Variants in IL1RAPL1 observed in about 807,000 individuals in gnomAD.
IL1RAPL1 encodes the protein interleukin 1 receptor accessory protein like 1.
Under a neutral mutation model 48.4 loss-of-function variants are expected in IL1RAPL1, and 3 were observed. That is an observed-to-expected ratio of 0.06 (90% CI 0.03 to 0.16). The LOEUF (loss-of-function observed/expected upper bound fraction) is 0.16, where lower values mean the gene tolerates loss of function less well. IL1RAPL1 is among the 10% of genes least tolerant of loss of function. IL1RAPL1 has a pLI of 1.00. For synonymous variants in IL1RAPL1, 185 were observed against 187.7 expected (o/e 0.99, Z 0.12); for missense variants, 349 against 530.6 (o/e 0.66, Z 3.36).
intron 1 of IL1RAPL1, among the ~76,000 whole-genome samples, chrX:28,672,143 T>G (rs1349278322): frequency 8.9e-6 from 1 of 112,019 alleles, no homozygotes; most frequent in Non-Finnish European, 1.9e-5. Flanking sequence ...GATACTGAAT[T>G]TATCCCTCAG....
intron 6 of IL1RAPL1, among the ~76,000 whole-genome samples, chrX:29,701,681 G>A (rs1229885849): frequency 3.6e-5 from 4 of 111,364 alleles, no homozygotes; most frequent in Non-Finnish European, 7.5e-5. Context: ...ATATCCTTCA[G>A]GTGGGGTGAG....
At chrX:29,318,730 C>G (rs1369842800) in intron 3 of IL1RAPL1, among the ~76,000 whole-genome samples, 1 of 112,303 alleles carries the variant, frequency 8.9e-6, no homozygotes, top group Non-Finnish European at 1.9e-5. Flanking sequence ...CAGGGCTAAT[C>G]ATAATATGAC....
chrX:28,959,233 A>G (rs1448572322), intron 2 of IL1RAPL1, among the ~76,000 whole-genome samples: 2 of 111,554 alleles, frequency 1.8e-5, no homozygotes, highest in African/African-American at 3.3e-5. Context: ...TTCAGTACAA[A>G]CTATTCATAA....
chrX:29,745,307 G>A (rs910094967), intron 6 of IL1RAPL1, among the ~76,000 whole-genome samples: 6 of 110,008 alleles, frequency 5.5e-5, no homozygotes, highest in Non-Finnish European at 1.1e-4. Context: ...ACATCTGAGA[G>A]TAAGCATGTT....
intron 3 of IL1RAPL1, among the ~76,000 whole-genome samples, chrX:29,337,847 G>A (rs1357571805): frequency 9.1e-6 from 1 of 109,911 alleles, no homozygotes; most frequent in Non-Finnish European, 1.9e-5. Context: ...GCTAATTTTT[G>A]TATTTTTAGG....
At chrX:29,083,295 C>G (rs1475704722) in intron 2 of IL1RAPL1, among the ~76,000 whole-genome samples, 1 of 112,035 alleles carries the variant, frequency 8.9e-6, no homozygotes, top group African/African-American at 3.2e-5. Flanking sequence ...GATGCATAAT[C>G]TCCTTAACAA....
At chrX:29,788,828 C>CT (rs1361279440) in intron 6 of IL1RAPL1, among the ~76,000 whole-genome samples, 3 of 111,801 alleles carry the variant, frequency 2.7e-5, no homozygotes, top group Non-Finnish European at 5.7e-5. Context: ...AAACCAAAAT[C>CT]TTTATCAGAA....
chrX:29,113,559 G>A (rs1928616871), intron 2 of IL1RAPL1, among the ~76,000 whole-genome samples: 1 of 111,950 alleles, frequency 8.9e-6, no homozygotes, highest in Non-Finnish European at 1.9e-5. Flanking sequence ...GGTCTGAAAT[G>A]TCTTTCAGTA....
chrX:29,047,193 G>A (rs1478374173), intron 2 of IL1RAPL1, among the ~76,000 whole-genome samples: 1 of 112,410 alleles, frequency 8.9e-6, no homozygotes, highest in Non-Finnish European at 1.9e-5. Flanking sequence ...TCTAAATAAA[G>A]ACTTGTCTCT....
chrX:29,852,381 C>T (rs765502301), intron 6 of IL1RAPL1, among the ~76,000 whole-genome samples: 1 of 111,931 alleles, frequency 8.9e-6, no homozygotes, highest in Non-Finnish European at 1.9e-5. Context: ...TCAATTTGTT[C>T]CTCCCCATTT....
chrX:28,971,876 T>G (rs759012441), intron 2 of IL1RAPL1, among the ~76,000 whole-genome samples: 2 of 84,487 alleles, frequency 2.4e-5, no homozygotes, highest in Non-Finnish European at 4.5e-5. Flanking sequence ...ACTCTGAAAA[T>G]TGTGTGTGTG....
chrX:28,734,681 T>C (rs1935800213), intron 1 of IL1RAPL1, among the ~76,000 whole-genome samples: 1 of 111,310 alleles, frequency 9.0e-6, no homozygotes, highest in African/African-American at 3.3e-5. Context: ...CAACATCATG[T>C]ACCATTTACT....
In IL1RAPL1 at chrX:29,901,508, T is replaced by G. The variant is rs921387964; in HGVS notation, c.779-15956T>G. ...GAATAAACTGCTAGGGGTATTTCAC[T>G]TTCACCACCACTAATATTCTTTACT... On this transcript the variant is annotated intron_variant, in intron 6 of 10. Coordinates refer to ENST00000378993, the MANE Select transcript of IL1RAPL1 (RefSeq NM_014271.4). Among the ~76,000 whole-genome samples the G allele has an allele frequency of 5.4e-5, 6 of 112,031 alleles. No individual in the cohort carries two copies. In the South Asian group the frequency reaches 1.1e-3, roughly 21 times the overall value.
chrX:29,439,256 G>C (rs901511095), intron 5 of IL1RAPL1, among the ~76,000 whole-genome samples: 1 of 111,307 alleles, frequency 9.0e-6, no homozygotes, highest in African/African-American at 3.3e-5. Context: ...ATTCAAATCT[G>C]TTCCATATAT....
chrX:29,380,854 G>T (rs1342872642), intron 3 of IL1RAPL1, among the ~76,000 whole-genome samples: 1 of 111,272 alleles, frequency 9.0e-6, no homozygotes, highest in African/African-American at 3.3e-5. Context: ...AATGAATAGA[G>T]GCATATTACA....
intron 5 of IL1RAPL1, among the ~76,000 whole-genome samples, chrX:29,405,405 C>G (rs1602218799): frequency 1.0e-5 from 1 of 96,995 alleles, no homozygotes; most frequent in South Asian, 4.3e-4. Flanking sequence ...CTCGCTCTGT[C>G]GCCCAGGCTG....
intron 6 of IL1RAPL1, among the ~76,000 whole-genome samples, chrX:29,814,501 T>C (rs967500463): frequency 5.4e-5 from 6 of 111,642 alleles, no homozygotes; most frequent in African/African-American, 1.6e-4. Flanking sequence ...AGATGCATAG[T>C]TTGCAGATAT....
intron 2 of IL1RAPL1, among the ~76,000 whole-genome samples, chrX:29,194,561 T>C (rs1262264291): frequency 8.9e-6 from 1 of 112,474 alleles, no homozygotes; most frequent in East Asian, 2.8e-4. Flanking sequence ...CCTCAAAGAC[T>C]TTTCTTTCTG....
At chrX:28,882,615 C>T (rs925922100) in intron 2 of IL1RAPL1, among the ~76,000 whole-genome samples, 3 of 111,438 alleles carry the variant, frequency 2.7e-5, no homozygotes, top group East Asian at 2.8e-4. Context: ...TGCACTCCAG[C>T]GTGGGTCACA....
Sources: gnomAD v4.1 joint callset for allele counts (sites outside exome capture counted in the v4.1 genomes callset) on GRCh38, gnomAD v4.1.1 for gene constraint, MANE v1.5 for transcripts, NCBI Gene and HGNC (gene_info 2026-07-23, HGNC 2026-07-21) for gene names.